The following SLC6A15 variants were observed in gnomAD, a reference collection of about 807,000 sequenced individuals.
SLC6A15 encodes solute carrier family 6 member 15, also known as sodium-dependent neutral amino acid transporter B(0)AT2.
A neutral mutation model predicts 68.5 loss-of-function variants in SLC6A15; 33 were observed. That is an observed-to-expected ratio of 0.48 (90% CI 0.37 to 0.64). The LOEUF is 0.64. SLC6A15 is among the 30% of genes least tolerant of loss of function. The pLI is 0.00. For synonymous variants in SLC6A15, 347 were observed against 301.0 expected (o/e 1.15, Z -1.58); for missense variants, 747 against 874.3 (o/e 0.85, Z 1.84).
chr12:84,876,985 T>C (rs191041867), intron 5 of SLC6A15, among the ~76,000 whole-genome samples: 1 of 152,328 alleles, frequency 6.6e-6, no homozygotes, highest in East Asian at 1.9e-4. Flanking sequence ...AATAAAGTCC[T>C]ATTTCTTTTT....
rs1210429279 is a variant in SLC6A15, at chr12:84,861,091, T to C, written c.*541A>G. ...GATTGCTATTGCTCTATACAGCTATTACATAAGAAAATATTTTGCAGTTTT... is the reference window on the plus strand; with the variant it reads ...GATTGCTATTGCTCTATACAGCTATCACATAAGAAAATATTTTGCAGTTTT... On this transcript the variant is annotated 3_prime_UTR_variant, in exon 12 of 12. Coordinates refer to ENST00000266682, the MANE Select transcript of SLC6A15 (RefSeq NM_182767.6). 6.6e-6 allele frequency: 1 copy of C among 152,454 alleles called. No homozygotes were observed. 9.4% of individuals were successfully genotyped at this position (152,454 alleles called of 1,614,324 possible). A position where few individuals can be genotyped will look rare whatever the true frequency, so the allele number is the denominator to read the frequency against.
intron 2 of SLC6A15, among the ~76,000 whole-genome samples, chr12:84,888,263 A>G (rs1445266964): frequency 2.2e-5 from 2 of 92,500 alleles, no homozygotes; most frequent in East Asian, 2.2e-4. Flanking sequence ...GACCTTGTCG[A>G]AAAAAAAAAA....
chr12:84,873,117 G>T lies in SLC6A15; in HGVS notation c.1079C>A (p.Ala360Glu). The T allele has an allele frequency of 2.5e-6, 4 of 1,614,062 alleles. No homozygotes were observed. Among genetic ancestry groups the T allele is most frequent in the Non-Finnish European group, 3.4e-6 (4 of 1,179,990 alleles). ...LVVFAVLGFK[A>E]NVINEKCITQ... ...AATGCATTTCTCATTTATGACATTTGCTTTGAAGCCCAGAACTGCAAACAC... is the reference window on the plus strand; with the variant it reads ...AATGCATTTCTCATTTATGACATTTTCTTTGAAGCCCAGAACTGCAAACAC... Residue 360 changes from alanine (A) to glutamate (E), a missense_variant, in exon 7 of 12, where the codon GCA becomes GAA. Ala to Glu is a moderately radical substitution (Grantham distance 107). Transcript: ENST00000266682.
intron 10 of SLC6A15, among the ~76,000 whole-genome samples, chr12:84,866,642 A>G (rs1871077042): frequency 1.3e-5 from 2 of 152,158 alleles, no homozygotes; most frequent in African/African-American, 4.8e-5. Flanking sequence ...GCTGCTGTCC[A>G]GGTGGGTGAC....
At chr12:84,879,334 T>C (rs1437673932) in intron 5 of SLC6A15, among the ~76,000 whole-genome samples, 1 of 43,936 alleles carries the variant, frequency 2.3e-5, no homozygotes, top group African/African-American at 5.7e-4. Flanking sequence ...ACACACTTTC[T>C]TTTTTTTTGG....
intron 1 of SLC6A15, among the ~76,000 whole-genome samples, chr12:84,898,854 A>G (rs1162626680): frequency 6.6e-6 from 1 of 152,210 alleles, no homozygotes; most frequent in African/African-American, 2.4e-5. Flanking sequence ...CCATGGCTGC[A>G]CATCAAATCT....
chr12:84,878,004 T>A (rs1408226903), intron 5 of SLC6A15, among the ~76,000 whole-genome samples: 1 of 152,092 alleles, frequency 6.6e-6, no homozygotes, highest in Non-Finnish European at 1.5e-5. Flanking sequence ...GAGGAAAAAG[T>A]GCCATAGCAG....
intron 2 of SLC6A15, among the ~76,000 whole-genome samples, chr12:84,889,903 A>G (rs1011309561): frequency 2.7e-5 from 4 of 147,682 alleles, no homozygotes; most frequent in Middle Eastern, 3.2e-3. Context: ...ATTGTGTTTT[A>G]AAAGGATAAT....
intron 1 of SLC6A15, among the ~76,000 whole-genome samples, chr12:84,911,403 A>G (rs945981426): frequency 1.3e-5 from 2 of 152,172 alleles, no homozygotes; most frequent in African/African-American, 4.8e-5. Context: ...TATTTGCATA[A>G]GCACCCAAAC....
intron 5 of SLC6A15, chr12:84,881,758 G>T: frequency 1.1e-6 from 1 of 893,790 alleles, no homozygotes; most frequent in Non-Finnish European, 1.3e-6. Context: ...TTATTTGGAG[G>T]CATTTTCTGT....
rs1565729790 is a variant in SLC6A15 at position 84,892,158 on chromosome 12, A to C, written c.-38T>G. The stretch of plus-strand genomic sequence containing the variant: ...GAAGTATTTAAAAAAAAAAAAAAAA[A>C]CTCCCTTATGGCAAATGTGTTAACT... On this transcript the variant is annotated 5_prime_UTR_variant, in exon 2 of 12. Transcript: ENST00000266682. The C allele has an allele frequency of 7.1e-7, 1 of 1,407,294 alleles. No individual in the cohort carries two copies. The highest frequency in any genetic ancestry group is 1.4e-5 in the South Asian group (1 of 72,388). The allele number at this position is 1,407,294 out of a possible 1,614,324, so 87.2% of individuals were successfully genotyped here.
intron 5 of SLC6A15, among the ~76,000 whole-genome samples, chr12:84,877,771 C>T (rs866925189): frequency 6.6e-5 from 10 of 152,230 alleles, no homozygotes; most frequent in Middle Eastern, 3.4e-3. Context: ...TGATATTACC[C>T]TAGGTTTGTT....
intron 6 of SLC6A15, chr12:84,874,540 C>T (rs530629962): frequency 6.6e-6 from 1 of 152,200 alleles, no homozygotes; most frequent in African/African-American, 2.4e-5. Context: ...TAGGTAGATT[C>T]CAAAATCCAT....
intron 5 of SLC6A15, among the ~76,000 whole-genome samples, chr12:84,876,882 T>TA (rs1565724031): frequency 6.6e-6 from 1 of 152,214 alleles, no homozygotes; most frequent in Non-Finnish European, 1.5e-5. Context: ...TGATTCCTTA[T>TA]AGTTCATAAA....
chr12:84,869,891 T>A (rs1331390141), intron 9 of SLC6A15, among the ~76,000 whole-genome samples: 2 of 152,172 alleles, frequency 1.3e-5, no homozygotes, highest in African/African-American at 4.8e-5. Flanking sequence ...TTATTTTATA[T>A]CCTTTATAGC....
intron 8 of SLC6A15, among the ~76,000 whole-genome samples, chr12:84,872,185 C>T (rs932323681): frequency 6.6e-5 from 10 of 151,132 alleles, no homozygotes; most frequent in African/African-American, 2.4e-4. Flanking sequence ...TTGATCATGA[C>T]TTGTGGAACA....
At chr12:84,911,176 T>G (rs576586861) in intron 1 of SLC6A15, among the ~76,000 whole-genome samples, 3 of 152,280 alleles carry the variant, frequency 2.0e-5, no homozygotes, top group Admixed American at 6.5e-5. Flanking sequence ...AAACACTTTG[T>G]TGCTGGCACA....
intron 10 of SLC6A15, among the ~76,000 whole-genome samples, chr12:84,866,138 A>T (rs1871054485): frequency 6.6e-6 from 1 of 152,108 alleles, no homozygotes; most frequent in East Asian, 1.9e-4. Context: ...GCTTAAAAGG[A>T]CTCTGGCCTT....
intron 1 of SLC6A15, among the ~76,000 whole-genome samples, chr12:84,904,944 C>A (rs1262357867): frequency 5.9e-5 from 9 of 152,076 alleles, no homozygotes; most frequent in Non-Finnish European, 1.0e-4. Flanking sequence ...AATTTTAAAA[C>A]TGTCACAAAA....
Sources: gnomAD v4.1 joint callset for allele counts (sites outside exome capture counted in the v4.1 genomes callset) on GRCh38, gnomAD v4.1.1 for gene constraint, MANE v1.5 for transcripts, NCBI Gene and HGNC (gene_info 2026-07-23, HGNC 2026-07-21) for gene names.